EPHA4: variants seen among roughly 807,000 people sequenced by gnomAD.
EPHA4 encodes EPH receptor A4, also known as ephrin type-A receptor 4.
EPHA4 carries 19 observed loss-of-function variants against 108.3 expected under a neutral mutation model. The observed-to-expected ratio is 0.18, with a 90% confidence interval of 0.12 to 0.26. EPHA4 has a LOEUF of 0.26. Ranked by LOEUF, EPHA4 falls within the 10% of genes least tolerant of loss-of-function variation. The pLI is 1.00. For synonymous variants in EPHA4, 449 were observed against 455.5 expected, an observed-to-expected ratio of 0.99 and a Z score of 0.18; for missense variants, 917 against 1,254.0, an observed-to-expected ratio of 0.73 and a Z score of 4.06.
chr2:221,562,207 C>CT (rs35999917), intron 3 of EPHA4, among the ~76,000 whole-genome samples: 33,161 of 144,164 alleles, frequency 0.23, 4,488 homozygotes, highest in East Asian at 0.45. Flanking sequence ...TACACATTTC[C>CT]TTTTTTTTTT....
At chr2:221,545,841 C>A (rs1172396991) in intron 3 of EPHA4, among the ~76,000 whole-genome samples, 3 of 152,190 alleles carry the variant, frequency 2.0e-5, no homozygotes, top group Non-Finnish European at 4.4e-5. Context: ...TTGCTTAATC[C>A]ACAAGATTCT....
chr2:221,463,854 A>G (rs957306508), intron 5 of EPHA4, among the ~76,000 whole-genome samples: 13 of 152,232 alleles, frequency 8.5e-5, no homozygotes, highest in Non-Finnish European at 5.9e-5. Flanking sequence ...CTGAGCTAGA[A>G]AATTGTTTTC....
In EPHA4 at chr2:221,478,411, T is replaced by C. The variant is rs188106644; in HGVS notation, c.1318+3941A>G. On this transcript the variant is annotated intron_variant, in intron 5 of 17. Transcript: ENST00000281821. ...TTTGCTTATCCATTTTTCATAAACA[T>C]CAGGACTACCTGCTTCTAAACAAAA... Among the ~76,000 whole-genome samples, 174 of 152,236 alleles carry C rather than the reference T, an allele frequency of 1.1e-3. 4 individuals are homozygous for C. Among genetic ancestry groups the C allele is most frequent in the Admixed American group, 9.0e-3 (138 of 15,292 alleles).
chr2:221,543,412 A>G (rs1035165131), intron 3 of EPHA4, among the ~76,000 whole-genome samples: 1 of 152,228 alleles, frequency 6.6e-6, no homozygotes, highest in Admixed American at 6.5e-5. Flanking sequence ...AAGCATAAAA[A>G]GCAAAATAAG....
At chr2:221,473,113 T>C (rs558966680) in intron 5 of EPHA4, among the ~76,000 whole-genome samples, 1 of 152,248 alleles carries the variant, frequency 6.6e-6, no homozygotes, top group South Asian at 2.1e-4. Context: ...TGGCACCATC[T>C]CTCGTTTTTA....
chr2:221,497,134 A>G (rs779804601), intron 4 of EPHA4, among the ~76,000 whole-genome samples: 2 of 152,188 alleles, frequency 1.3e-5, no homozygotes, highest in African/African-American at 2.4e-5. Flanking sequence ...AGTTTGGGGA[A>G]GGAAGTGACC....
At chr2:221,516,289 A>G (rs867329037) in intron 3 of EPHA4, among the ~76,000 whole-genome samples, 61 of 151,998 alleles carry the variant, frequency 4.0e-4, no homozygotes, top group African/African-American at 1.3e-3. Context: ...AATTTAAAAT[A>G]TCTCTTTTTA....
chr2:221,530,976 G>A (rs1333989076), intron 3 of EPHA4, among the ~76,000 whole-genome samples: 3 of 152,098 alleles, frequency 2.0e-5, no homozygotes, highest in Non-Finnish European at 4.4e-5. Flanking sequence ...AAAGGCTTGG[G>A]AATTAACTTA....
At chr2:221,462,056 C>A (rs528143922) in intron 5 of EPHA4, among the ~76,000 whole-genome samples, 1 of 148,892 alleles carries the variant, frequency 6.7e-6, no homozygotes, top group South Asian at 2.1e-4. Flanking sequence ...TTCCTATCTA[C>A]CCACGGACTT....
intron 7 of EPHA4, 98 bp downstream of exon 7, chr2:221,456,515 A>G: frequency 2.2e-6 from 3 of 1,343,792 alleles, no homozygotes; most frequent in Admixed American, 4.6e-5. Flanking sequence ...CTGCTGAACC[A>G]AAAATTACAG....
intron 4 of EPHA4, among the ~76,000 whole-genome samples, chr2:221,495,062 G>A (rs1427361675): frequency 2.0e-5 from 3 of 148,396 alleles, no homozygotes; most frequent in African/African-American, 7.4e-5. Flanking sequence ...TGTCTAAGGT[G>A]AACATTTACA....
intron 1 of EPHA4, among the ~76,000 whole-genome samples, chr2:221,570,179 G>C (rs1364828918): frequency 6.6e-6 from 1 of 152,028 alleles, no homozygotes; most frequent in Non-Finnish European, 1.5e-5. Context: ...GAAACGTGAT[G>C]GGAATAGAAA....
rs538299328 is a variant in EPHA4 at position 221,435,475 on chromosome 2, G to GC, written c.2346+923dup. On this transcript the variant is annotated intron_variant, in intron 13 of 17. Coordinates refer to ENST00000281821, the MANE Select transcript of EPHA4 (RefSeq NM_004438.5). ...AAGAAATAGAATACTATACCCCCCT[G>GC]CCCCCCTCCAAAAAAAGCTCAGCCA... Among the ~76,000 whole-genome samples, 118 of 151,606 alleles carry GC rather than the reference G, an allele frequency of 7.8e-4. 1 individual carries two copies. The Middle Eastern group carries it at 0.01, about 13-fold the overall frequency.
chr2:221,555,650 A>T (rs1694283014), intron 3 of EPHA4, among the ~76,000 whole-genome samples: 1 of 152,216 alleles, frequency 6.6e-6, no homozygotes, highest in African/African-American at 2.4e-5. Flanking sequence ...CAGAGGTACC[A>T]GCTGTAACAG....
intron 2 of EPHA4, among the ~76,000 whole-genome samples, chr2:221,565,470 A>G (rs1169059206): frequency 6.6e-6 from 1 of 152,220 alleles, no homozygotes; most frequent in African/African-American, 2.4e-5. Flanking sequence ...TAACAAACAT[A>G]TGAATATAAT....
At chr2:221,443,130 T>C (rs189898993) in intron 10 of EPHA4, 116 bp from the exon 11 acceptor site, 6 of 1,080,678 alleles carry the variant, frequency 5.6e-6, no homozygotes, top group Admixed American at 4.9e-5. Flanking sequence ...GTGCTTTGCA[T>C]AGATTATTTC....
chr2:221,445,323 C>G (rs1459972516), intron 9 of EPHA4, among the ~76,000 whole-genome samples: 1 of 152,098 alleles, frequency 6.6e-6, no homozygotes, highest in Admixed American at 6.5e-5. Context: ...GGTGCGGTGG[C>G]TCACACCTGT....
Position 221,437,067 on chromosome 2 carries a change from G to T in EPHA4, c.2130C>A (p.Phe710Leu). 10 of 1,609,396 alleles carry T rather than the reference G, an allele frequency of 6.2e-6. No homozygotes were observed. Among genetic ancestry groups the T allele is most frequent in the Non-Finnish European group, 7.7e-6 (9 of 1,176,458 alleles). The change falls in exon 12 of 18, where the codon TTC becomes TTA. Residue 710 changes from phenylalanine to leucine, a missense_variant. Physicochemically the swap from Phe to Leu is conservative, Grantham distance 22. Coordinates refer to ENST00000281821, the MANE Select transcript of EPHA4 (RefSeq NM_004438.5). ...ATATAAAGTAGTCACATACCCTGAG[G>T]AATGCATCCAAGGAGCCATTCTCCA... ...EYMENGSLDA[F>L]LRKNDGRFTV...
chr2:221,485,628 C>T (rs1430448286), intron 4 of EPHA4, among the ~76,000 whole-genome samples: 1 of 151,988 alleles, frequency 6.6e-6, no homozygotes, highest in East Asian at 1.9e-4. Context: ...AGAGGACACA[C>T]GCTTTACAAA....
Sources: allele counts gnomAD v4.1 joint callset (sites outside exome capture counted in the v4.1 genomes callset), GRCh38; gene constraint gnomAD v4.1.1; transcripts MANE v1.5; gene names NCBI Gene and HGNC (gene_info 2026-07-23, HGNC 2026-07-21).